ARMCX4: variants seen among roughly 807,000 people sequenced by gnomAD.
ARMCX4 encodes the protein armadillo repeat containing X-linked 4, also known as armadillo repeat-containing X-linked protein 4.
ARMCX4 carries 3 observed loss-of-function variants against 34.7 expected under a neutral mutation model. That is an observed-to-expected ratio of 0.09 (90% CI 0.04 to 0.22). The LOEUF (loss-of-function observed/expected upper bound fraction) is 0.22. Ranked by LOEUF, ARMCX4 falls within the 10% of genes least tolerant of loss-of-function variation. The pLI is 1.00. For synonymous variants in ARMCX4, 513 were observed against 632.8 expected, an observed-to-expected ratio of 0.81 and a Z score of 2.84; for missense variants, 1,448 against 1,720.8, an observed-to-expected ratio of 0.84 and a Z score of 2.81.
chrX:101,479,911 G>T (rs1556005046), intron 4 of ARMCX4, among the ~76,000 whole-genome samples: 1 of 110,735 alleles, frequency 9.0e-6, no homozygotes, highest in Non-Finnish European at 1.9e-5. Flanking sequence ...TGAAGGATTT[G>T]TCTTCCCCGA....
chrX:101,433,009 T>C (rs1253351856), intron 2 of ARMCX4, among the ~76,000 whole-genome samples: 1 of 108,811 alleles, frequency 9.2e-6, no homozygotes, highest in African/African-American at 3.3e-5. Flanking sequence ...TATGTGTATA[T>C]ATACACATAT....
At chrX:101,425,674 T>G (rs1929568371) in intron 2 of ARMCX4, among the ~76,000 whole-genome samples, 1 of 107,483 alleles carries the variant, frequency 9.3e-6, no homozygotes, top group African/African-American at 3.4e-5. Context: ...GGATTACAGG[T>G]GTGAGGTACT....
intron 2 of ARMCX4, among the ~76,000 whole-genome samples, chrX:101,432,576 G>A (rs1555992346): frequency 1.8e-5 from 2 of 109,091 alleles, no homozygotes; most frequent in Admixed American, 1.0e-4. Flanking sequence ...CAGGAGAATC[G>A]CTTGAACCTG....
intron 2 of ARMCX4, among the ~76,000 whole-genome samples, chrX:101,424,139 AGGCGTG>A (rs1555990546): frequency 9.0e-6 from 1 of 111,441 alleles, no homozygotes; most frequent in Non-Finnish European, 1.9e-5. Context: ...CTGGGATTAC[AGGCGTG>A]AGCCACCGTG....
At chrX:101,431,705 G>A (rs1019011732) in intron 2 of ARMCX4, among the ~76,000 whole-genome samples, 5 of 110,667 alleles carry the variant, frequency 4.5e-5, no homozygotes, top group South Asian at 3.8e-4. Flanking sequence ...CACCATGCCC[G>A]GCTAATTTTT....
chrX:101,472,178 G>A (rs1556003160), intron 4 of ARMCX4, among the ~76,000 whole-genome samples: 2 of 43,862 alleles, frequency 4.6e-5, no homozygotes, highest in African/African-American at 9.5e-5. Context: ...CTCAGGAGCC[G>A]ATGCGATCAA....
At chrX:101,423,978 C>T (rs988596651) in intron 2 of ARMCX4, among the ~76,000 whole-genome samples, 2 of 111,506 alleles carry the variant, frequency 1.8e-5, no homozygotes, top group African/African-American at 6.5e-5. Context: ...ATTCTCCTGC[C>T]TCAGCCTCCC....
chrX:101,457,336 T>C (rs1239317915), intron 4 of ARMCX4, among the ~76,000 whole-genome samples: 2 of 112,328 alleles, frequency 1.8e-5, no homozygotes, highest in Non-Finnish European at 1.9e-5. Context: ...TTTTTTGTGA[T>C]GTTAGTGGCC....
At chrX:101,463,322 G>A (rs1388456441) in intron 4 of ARMCX4, among the ~76,000 whole-genome samples, 1 of 111,709 alleles carries the variant, frequency 9.0e-6, no homozygotes, top group African/African-American at 3.3e-5. Flanking sequence ...TTTCCCAGCT[G>A]GCATGCAAGG....
downstream of ARMCX4, among the ~76,000 whole-genome samples, chrX:101,497,731 T>A (rs2147683085): frequency 8.9e-6 from 1 of 112,169 alleles, no homozygotes. Context: ...TAACTTAAAA[T>A]TTTAAATAAA....
chrX:101,487,285 T>G lies in ARMCX4; in HGVS notation c.-287+13T>G. 1 of 133,359 alleles carries G rather than the reference T, an allele frequency of 7.5e-6. No homozygotes were observed. The highest frequency in any genetic ancestry group is 2.1e-4 in the South Asian group (1 of 4,837). 11.0% of individuals were successfully genotyped at this position (133,359 alleles called of 1,213,427 possible). A position where few individuals can be genotyped will look rare whatever the true frequency, so the allele number is the denominator to read the frequency against. ...TAGAAGCATGGAGGTTGGTGTGAAG[T>G]GGGGGTAGTCTCTGGGGATGACAAG... On this transcript the variant is annotated intron_variant, in intron 3 of 5. Transcript: ENST00000423738.
At chrX:101,506,726 C>T (rs781820682) in intron 8 of ARMCX4, among the ~76,000 whole-genome samples, 1 of 110,985 alleles carries the variant, frequency 9.0e-6, no homozygotes, top group African/African-American at 3.3e-5. Flanking sequence ...CATAATGGTT[C>T]TCAAGCTTCC....
chrX:101,472,536 A>T (rs1932956194), intron 4 of ARMCX4, among the ~76,000 whole-genome samples: 2 of 62,653 alleles, frequency 3.2e-5, no homozygotes, highest in Admixed American at 2.1e-4. Flanking sequence ...TGAAGGAAAA[A>T]ATGTTAAGGG....
intron 4 of ARMCX4, among the ~76,000 whole-genome samples, chrX:101,471,712 A>T (rs781818918): frequency 4.5e-5 from 5 of 111,330 alleles, no homozygotes; most frequent in Admixed American, 9.6e-5. Flanking sequence ...CACCTCACAC[A>T]GCAGGGTACT....
At chrX:101,532,932 C>G (rs782481434) in intron 12 of ARMCX4, 1 of 110,687 alleles carries the variant, frequency 9.0e-6, no homozygotes, top group Non-Finnish European at 1.9e-5. Flanking sequence ...TTTTTTTGTC[C>G]CTGCCTCCCT....
At chrX:101,485,897 T>TC (rs1194093546) in intron 1 of ARMCX4, 126 bp from the exon 2 acceptor site, 9 of 111,398 alleles carry the variant, frequency 8.1e-5, no homozygotes, top group Admixed American at 2.9e-4. Context: ...AAGGGTGGTG[T>TC]CTCAGACTGT....
chrX:101,433,299 T>C (rs150084589), intron 2 of ARMCX4, among the ~76,000 whole-genome samples: 5,557 of 108,140 alleles, frequency 0.051, 129 homozygotes, highest in Middle Eastern at 0.09. Context: ...TACATATATG[T>C]ACCTATATGT....
At position 101,489,410 on chromosome X, in the gene ARMCX4, T is replaced by A. The variant is rs781882207; in HGVS notation, c.821T>A (p.Val274Glu). ...PNGMSREVAG[V>E]DMKSCAQSQA... is the part of the protein sequence containing the mutation. ...GGCATGTCCAGGGAGGTGGCTGGAG[T>A]GGACATGAAGTCCTGTGCACAGTCT... Residue 274 changes from valine (V) to glutamate (E), a missense_variant, in exon 6 of 6, where the codon GTG (valine) becomes GAG (glutamate). Val to Glu is a moderately radical substitution (Grantham distance 121, BLOSUM62 -2). Transcript: ENST00000423738. 1 of 1,154,713 alleles carries A rather than the reference T, an allele frequency of 8.7e-7. No individual in the cohort carries two copies. Among genetic ancestry groups the A allele is most frequent in the South Asian group, 1.9e-5 (1 of 52,652 alleles).
chrX:101,497,858 T>C (rs1934213375), downstream of ARMCX4, among the ~76,000 whole-genome samples: 1 of 112,057 alleles, frequency 8.9e-6, no homozygotes, highest in Admixed American at 9.4e-5. Flanking sequence ...TGTAAAAAAA[T>C]AATGTCACAC....
Sources: gnomAD v4.1 joint callset for allele counts (sites outside exome capture counted in the v4.1 genomes callset) on GRCh38, gnomAD v4.1.1 for gene constraint, MANE v1.5 for transcripts, NCBI Gene and HGNC (gene_info 2026-07-23, HGNC 2026-07-21) for gene names.